HOATZ: variants seen among roughly 807,000 people sequenced by gnomAD.
The protein encoded by HOATZ is HOATZ cilia and flagella associated protein, also known as cilia- and flagella-associated protein HOATZ.
A neutral mutation model predicts 24.9 loss-of-function variants in HOATZ; 26 were observed. That is an observed-to-expected ratio of 1.04 (90% CI 0.76 to 1.45). The LOEUF (loss-of-function observed/expected upper bound fraction) is 1.45. Ranked by LOEUF, HOATZ falls within the 40% of genes most tolerant of loss-of-function variation. HOATZ has a pLI of 0.00. For missense variants in HOATZ, 226 were observed against 201.5 expected (o/e 1.12, Z -0.74); for synonymous variants, 83 against 76.6 (o/e 1.08, Z -0.43).
intron 3 of HOATZ, chr11:111,526,610 G>C (rs991093084): frequency 1.3e-5 from 2 of 151,990 alleles, no homozygotes; most frequent in Non-Finnish European, 1.5e-5. Flanking sequence ...CAGGTTTGGG[G>C]GGTTTTGTGG....
chr11:111,536,335 A>G (rs1231898797), intron 5 of HOATZ: 1 of 158,144 alleles, frequency 6.3e-6, no homozygotes, highest in Non-Finnish European at 1.4e-5. Context: ...TCCTCCTTCA[A>G]CAGGTCTTCT....
At chr11:111,535,536 T>C (rs1867441611) in intron 5 of HOATZ, 1 of 152,326 alleles carries the variant, frequency 6.6e-6, no homozygotes, top group East Asian at 1.9e-4. Context: ...GACAGATAAT[T>C]CTCTTAATAA....
rs550303219 is a variant in HOATZ, at chr11:111,529,889, A to T, written c.340-3857A>T. ...ATTTGCACTGCATATTTAATAACAAATCATATCTTTAACATCTCTCCTTGT... is the reference window on the plus strand; with the variant it reads ...ATTTGCACTGCATATTTAATAACAATTCATATCTTTAACATCTCTCCTTGT... On this transcript the variant is annotated intron_variant, in intron 3 of 5. Transcript: ENST00000375618. 2.0e-5 allele frequency among the ~76,000 whole-genome samples: 3 copies of T among 152,252 alleles called. No individual in the cohort carries two copies. In the East Asian group the frequency reaches 5.8e-4, roughly 29 times the overall value.
intron 3 of HOATZ, among the ~76,000 whole-genome samples, chr11:111,533,181 T>C (rs553898193): frequency 6.6e-6 from 1 of 152,332 alleles, no homozygotes; most frequent in East Asian, 1.9e-4. Flanking sequence ...TCCTGCTTCT[T>C]GCCACCATTA....
At chr11:111,525,764 G>A (rs1867332543) in intron 3 of HOATZ, among the ~76,000 whole-genome samples, 1 of 152,218 alleles carries the variant, frequency 6.6e-6, no homozygotes, top group Non-Finnish European at 1.5e-5. Flanking sequence ...GCCTGGCATT[G>A]TGCTAGGAAC....
chr11:111,515,968 A>C, intron 2 of HOATZ, 72 bp from the exon 3 acceptor site: 2 of 1,049,706 alleles, frequency 1.9e-6, no homozygotes, highest in East Asian at 5.1e-5. Flanking sequence ...ACCCATGTCC[A>C]ATTTTATATC....
Position 111,530,331 on chromosome 11 carries a change from C to T in HOATZ, c.340-3415C>T, listed in dbSNP as rs563250667. ...CTAGAACTTGCCATTCAACACACAG[C>T]GGAACTGGGATTCAAACCAAATGTA... On this transcript the variant is annotated intron_variant, in intron 3 of 5. Coordinates refer to ENST00000375618, the MANE Select transcript of HOATZ (RefSeq NM_001100388.2). Among the ~76,000 whole-genome samples the T allele has an allele frequency of 9.2e-5, 14 of 152,258 alleles. No homozygotes were observed. In the East Asian group the frequency reaches 9.7e-4, roughly 10 times the overall value.
intron 3 of HOATZ, among the ~76,000 whole-genome samples, chr11:111,528,766 AT>A: frequency 6.6e-6 from 1 of 152,322 alleles, no homozygotes; most frequent in Admixed American, 6.5e-5. Flanking sequence ...ATGCTAACTC[AT>A]TTTTAGAGTA....
rs1867418586 is a variant in HOATZ, at chr11:111,533,726, T to C, written c.340-20T>C. ...TTTATTATTGAATCGAGACACCCAC[T>C]TTTTTCTTTCTTTAAACAGGCTAAA... On this transcript the variant is annotated intron_variant, in intron 3 of 5. Transcript: ENST00000375618. The C allele has an allele frequency of 6.3e-7, 1 of 1,575,018 alleles. No homozygotes were observed. The highest frequency in any genetic ancestry group is 8.6e-7 in the Non-Finnish European group (1 of 1,163,354).
Position 111,521,551 on chromosome 11 carries a change from G to T in HOATZ, c.339+5441G>T, listed in dbSNP as rs1011411314. Among the ~76,000 whole-genome samples, 3 of 152,034 alleles carry T rather than the reference G, an allele frequency of 2.0e-5. 1 individual carries two copies. Among genetic ancestry groups the T allele is most frequent in the Non-Finnish European group, 4.4e-5 (3 of 67,992 alleles). ...TAATTTTGCTTTCCCACCCTAATAT[G>T]ATATTTATGAAATTCCTTTCCTCCA... On this transcript the variant is annotated intron_variant, in intron 3 of 5. Coordinates refer to ENST00000375618, the MANE Select transcript of HOATZ (RefSeq NM_001100388.2).
chr11:111,519,779 G>GA (rs935174827), intron 3 of HOATZ, among the ~76,000 whole-genome samples: 30 of 152,062 alleles, frequency 2.0e-4, no homozygotes, highest in African/African-American at 7.0e-4. Flanking sequence ...TCTTAAATTG[G>GA]AAAAAACATT....
intron 5 of HOATZ, 173 bp from the exon 6 acceptor site, chr11:111,536,597 A>G: frequency 1.7e-6 from 1 of 574,128 alleles, no homozygotes; most frequent in Admixed American, 2.7e-5. Flanking sequence ...ACTTCACAAT[A>G]TCATAACCAC....
At position 111,534,717 on chromosome 11, in the gene HOATZ, A is replaced by G. The variant is rs12271889; in HGVS notation, c.452+253A>G. ...GCAGCTCAGCCTTGAAGCTCTGTGC[A>G]CATTCTCTGTCCCTCTCTTCTCACC... On this transcript the variant is annotated intron_variant, in intron 5 of 5. Transcript: ENST00000375618. 1,346 of 456,996 alleles carry G rather than the reference A, an allele frequency of 2.9e-3. 15 individuals are homozygous for G. The highest frequency in any genetic ancestry group is 0.024 in the African/African-American group (1,229 of 50,382). The allele number at this position is 456,996 out of a possible 1,614,324, so 28.3% of individuals were successfully genotyped here.
rs376475761 is a variant in HOATZ at position 111,515,017 on chromosome 11, A to G, written c.226+7A>G. ...AGGAGGAGCAGAGGGTCTGGTGAGT[A>G]GAATAGCGGCCTCCTGTCAGTCATA... is the stretch of plus-strand genomic sequence containing the variant. On this transcript the variant is annotated splice_region_variant and intron_variant, in intron 1 of 5. Transcript: ENST00000375618. 4.7e-5 allele frequency: 76 copies of G among 1,604,724 alleles called. No individual in the cohort carries two copies. The highest frequency in any genetic ancestry group is 4.2e-4 in the South Asian group (38 of 90,878).
At chr11:111,534,714 T>TG (rs1458368531) in intron 5 of HOATZ, 3 of 463,600 alleles carry the variant, frequency 6.5e-6, no homozygotes, top group Non-Finnish European at 3.9e-6. Context: ...TGAAGCTCTG[T>TG]GCACATTCTC....
rs1867194577 is a variant in HOATZ at position 111,516,086 on chromosome 11, G to A, written c.315G>A (p.Glu105=). 1.9e-6 allele frequency: 3 copies of A among 1,598,246 alleles called. No individual in the cohort carries two copies. The highest frequency in any genetic ancestry group is 1.1e-5 in the South Asian group (1 of 87,674). ...FAEALKIQES[E]EKVKYLQKAK... Reference sequence around the variant, plus strand: ...AAGCCCTAAAGATACAGGAATCTGAGGAGAAAGTAAAGTATCTCCAAAAGG... The same window carrying A: ...AAGCCCTAAAGATACAGGAATCTGAAGAGAAAGTAAAGTATCTCCAAAAGG... Residue 105 remains glutamate, a synonymous_variant, in exon 3 of 6, where the codon GAG becomes GAA. Coordinates refer to ENST00000375618, the MANE Select transcript of HOATZ (RefSeq NM_001100388.2).
chr11:111,533,806 G>A lies in HOATZ; in HGVS notation c.399+1G>A. On this transcript the variant is annotated splice_donor_variant, in intron 4 of 5. Transcript: ENST00000375618. LOFTEE classifies it high-confidence loss of function. ...AAAACAAAGAGAAGAAAGGATCTCG[G>A]TGAGACCAATAGTGAGGCATTTGGA... 2 of 1,569,802 alleles carry A rather than the reference G, an allele frequency of 1.3e-6. No individual in the cohort carries two copies. The highest frequency in any genetic ancestry group is 1.2e-5 in the South Asian group (1 of 84,334).
intron 4 of HOATZ, 83 bp downstream of exon 4, chr11:111,533,888 C>G: frequency 7.4e-6 from 7 of 947,022 alleles, no homozygotes; most frequent in Non-Finnish European, 1.1e-5. Flanking sequence ...ATAGATTGAA[C>G]CCTTAAATCT....
intron 3 of HOATZ, among the ~76,000 whole-genome samples, chr11:111,516,743 A>C (rs1009679032): frequency 1.3e-5 from 2 of 152,134 alleles, no homozygotes; most frequent in Non-Finnish European, 2.9e-5. Flanking sequence ...AACAGGAAAA[A>C]TCAAATAGAA....
Sources: allele counts gnomAD v4.1 joint callset (sites outside exome capture counted in the v4.1 genomes callset), GRCh38; gene constraint gnomAD v4.1.1; transcripts MANE v1.5; gene names NCBI Gene and HGNC (gene_info 2026-07-23, HGNC 2026-07-21).